Variants in RGS17 observed in about 807,000 individuals in gnomAD.
The protein encoded by RGS17 is regulator of G protein signaling 17.
RGS17 carries 12 observed loss-of-function variants against 25.5 expected under a neutral mutation model. That is an observed-to-expected ratio of 0.47 (90% CI 0.30 to 0.76). The LOEUF is 0.76. Ranked by LOEUF, RGS17 falls within the 30% of genes least tolerant of loss-of-function variation. The probability of loss-of-function intolerance (pLI) is 0.07; values close to 1 mark genes in which losing one functional copy is unlikely to be tolerated. For missense variants in RGS17, 196 were observed against 242.2 expected, an observed-to-expected ratio of 0.81 and a Z score of 1.27; for synonymous variants, 71 against 76.9, an observed-to-expected ratio of 0.92 and a Z score of 0.40.
chr6:153,069,590 C>A (rs1418317633), intron 1 of RGS17, among the ~76,000 whole-genome samples: 2 of 152,088 alleles, frequency 1.3e-5, no homozygotes, highest in Non-Finnish European at 2.9e-5. Flanking sequence ...CTTAATTGTA[C>A]ATTTTAAAAT....
intron 1 of RGS17, among the ~76,000 whole-genome samples, chr6:153,045,998 A>G (rs948104611): frequency 5.3e-5 from 8 of 152,190 alleles, no homozygotes; most frequent in African/African-American, 1.9e-4. Flanking sequence ...ATCATGGAAT[A>G]CTAATTTAGC....
chr6:153,128,929 T>C (rs971908665), intron 1 of RGS17, among the ~76,000 whole-genome samples: 4 of 152,004 alleles, frequency 2.6e-5, no homozygotes, highest in Admixed American at 2.6e-4. Context: ...CGCCAAGGAG[T>C]AGTTGCGGAA....
intron 1 of RGS17, among the ~76,000 whole-genome samples, chr6:153,061,163 G>A (rs1423612940): frequency 6.6e-6 from 1 of 152,124 alleles, no homozygotes; most frequent in Admixed American, 6.6e-5. Flanking sequence ...GACTTATTCA[G>A]GCTTTGTTTT....
chr6:153,093,769 T>C (rs1487041055), intron 1 of RGS17, among the ~76,000 whole-genome samples: 1 of 152,168 alleles, frequency 6.6e-6, no homozygotes, highest in East Asian at 1.9e-4. Context: ...TTTGCAGCTT[T>C]CTGGAGACTC....
At chr6:153,106,213 CAT>C (rs894243929) in intron 1 of RGS17, among the ~76,000 whole-genome samples, 43 of 152,062 alleles carry the variant, frequency 2.8e-4, no homozygotes, top group African/African-American at 1.0e-3. Context: ...CAGGAATGCA[CAT>C]GTCACGTTCT....
chr6:153,078,292 T>C (rs963568933), intron 1 of RGS17, among the ~76,000 whole-genome samples: 6 of 152,194 alleles, frequency 3.9e-5, no homozygotes, highest in Admixed American at 6.5e-5. Flanking sequence ...ATTTATAGAA[T>C]CACTTTGTCA....
intron 1 of RGS17, among the ~76,000 whole-genome samples, chr6:153,106,676 CTT>C (rs1460857160): frequency 1.3e-5 from 2 of 152,032 alleles, no homozygotes; most frequent in African/African-American, 2.4e-5. Context: ...GAGTTTCCCT[CTT>C]GTTGCCCAAG....
intron 1 of RGS17, among the ~76,000 whole-genome samples, chr6:153,073,550 G>A (rs1442257584): frequency 1.3e-5 from 2 of 152,162 alleles, no homozygotes; most frequent in South Asian, 2.1e-4. Flanking sequence ...AGCACCCTGG[G>A]ATTAGGTGAT....
chr6:153,067,918 C>A (rs1484639829), intron 1 of RGS17, among the ~76,000 whole-genome samples: 1 of 152,146 alleles, frequency 6.6e-6, no homozygotes, highest in Non-Finnish European at 1.5e-5. Context: ...TTCTACAGAG[C>A]TATAGTAACC....
chr6:153,055,747 T>C (rs957217217), intron 1 of RGS17, among the ~76,000 whole-genome samples: 1 of 152,164 alleles, frequency 6.6e-6, no homozygotes, highest in Non-Finnish European at 1.5e-5. Flanking sequence ...GGAACACACA[T>C]AAATCAGGTG....
intron 1 of RGS17, among the ~76,000 whole-genome samples, chr6:153,082,543 A>AT (rs1777000126): frequency 6.6e-6 from 1 of 151,940 alleles, no homozygotes; most frequent in Non-Finnish European, 1.5e-5. Context: ...TTACTTTGTA[A>AT]TTTTTTTATA....
intron 2 of RGS17, among the ~76,000 whole-genome samples, chr6:153,027,248 T>C (rs1313235681): frequency 1.3e-5 from 2 of 152,086 alleles, no homozygotes; most frequent in Non-Finnish European, 2.9e-5. Flanking sequence ...GGACAGAGGA[T>C]AATGCCGAAG....
rs141816808 is a variant in RGS17, at chr6:153,027,703, C to T, written c.120-1160G>A. Reference sequence around the variant, plus strand: ...ACCCGTCTGGGAGGCTGGCCCAAAACCGAACACTAAATAGGTGCTATAGTT... The same window carrying T: ...ACCCGTCTGGGAGGCTGGCCCAAAATCGAACACTAAATAGGTGCTATAGTT... On this transcript the variant is annotated intron_variant, in intron 2 of 4. Transcript: ENST00000206262. Among the ~76,000 whole-genome samples the T allele has an allele frequency of 6.6e-5, 10 of 152,234 alleles. No homozygotes were observed. The East Asian group carries it at 1.5e-3, about 24-fold the overall frequency.
rs1350583850 is a variant in RGS17 at position 153,011,093 on chromosome 6, G to C, written c.*481C>G. ...GAATGTTGAATACCATTGTTACATAGTAAAAATTGCTTTTTTTCTGTCTTA... is the reference window on the plus strand; with the variant it reads ...GAATGTTGAATACCATTGTTACATACTAAAAATTGCTTTTTTTCTGTCTTA... On this transcript the variant is annotated 3_prime_UTR_variant, in exon 5 of 5. Transcript: ENST00000206262. The C allele has an allele frequency of 1.3e-5, 2 of 154,508 alleles. No homozygotes were observed. Among genetic ancestry groups the C allele is most frequent in the African/African-American group, 4.8e-5 (2 of 41,390 alleles). 9.6% of individuals were successfully genotyped at this position (154,508 alleles called of 1,614,324 possible).
chr6:153,064,417 T>C (rs1483065390), intron 1 of RGS17, among the ~76,000 whole-genome samples: 1 of 151,850 alleles, frequency 6.6e-6, no homozygotes, highest in African/African-American at 2.4e-5. Context: ...GATCATGAGG[T>C]GAGGAGATTG....
At chr6:153,111,180 T>TAA (rs1777464634) in intron 1 of RGS17, among the ~76,000 whole-genome samples, 1 of 152,208 alleles carries the variant, frequency 6.6e-6, no homozygotes. Flanking sequence ...CCCAGCAAGC[T>TAA]AAGCTCCACT....
intron 1 of RGS17, among the ~76,000 whole-genome samples, chr6:153,110,811 G>A (rs116917375): frequency 1.8e-3 from 272 of 152,296 alleles, no homozygotes; most frequent in Non-Finnish European, 3.4e-3. Flanking sequence ...ATAGGGCATC[G>A]TCTCACCAGG....
chr6:153,105,797 C>G (rs3870365), intron 1 of RGS17, among the ~76,000 whole-genome samples: 70,615 of 151,962 alleles, frequency 0.46, 17,077 homozygotes, highest in East Asian at 0.84. Context: ...TGGTGGCAGC[C>G]AAGGACAGAC....
rs1217153804 is a variant in RGS17 at position 153,044,051 on chromosome 6, A to G, written c.-25-8T>C. ...ACTTCAGGACCCAGTTGGCTGAAAG[A>G]GATAAAACAAAAAATTGGGTATGAA... On this transcript the variant is annotated splice_region_variant and splice_polypyrimidine_tract_variant and intron_variant, in intron 1 of 4. Coordinates refer to ENST00000206262, the MANE Select transcript of RGS17 (RefSeq NM_012419.5). 1 of 1,386,526 alleles carries G rather than the reference A, an allele frequency of 7.2e-7. No individual in the cohort carries two copies. Among genetic ancestry groups the G allele is most frequent in the Non-Finnish European group, 1.0e-6 (1 of 977,938 alleles). 85.9% of individuals were successfully genotyped at this position (1,386,526 alleles called of 1,614,324 possible). A position where few individuals can be genotyped will look rare whatever the true frequency, so the allele number is the denominator to read the frequency against.
Sources: gnomAD v4.1 joint callset for allele counts (sites outside exome capture counted in the v4.1 genomes callset) on GRCh38, gnomAD v4.1.1 for gene constraint, MANE v1.5 for transcripts, NCBI Gene and HGNC (gene_info 2026-07-23, HGNC 2026-07-21) for gene names.